The following ZSWIM5 variants were observed in gnomAD, a reference collection of about 807,000 sequenced individuals.
The protein encoded by ZSWIM5 is zinc finger SWIM domain-containing protein 5.
A neutral mutation model predicts 119.6 loss-of-function variants in ZSWIM5; 55 were observed. The observed-to-expected ratio is 0.46, with a 90% CI of 0.37 to 0.58. The LOEUF (loss-of-function observed/expected upper bound fraction) is 0.58, where lower values mean the gene tolerates loss of function less well. ZSWIM5 is among the 20% of genes least tolerant of loss of function. The pLI is 0.00. For synonymous variants in ZSWIM5, 537 were observed against 606.9 expected, an observed-to-expected ratio of 0.88 and a Z score of 1.69; for missense variants, 1,193 against 1,512.8, an observed-to-expected ratio of 0.79 and a Z score of 3.51.
chr1:45,088,920 G>A lies in ZSWIM5; in HGVS notation c.596-683C>T, dbSNP rs1286195564. Reference sequence around the variant, plus strand: ...CATTTTTAACGTAACAAAATTAAAAGATAAAATCAATAGCAAATCAATTCT... The same window carrying A: ...CATTTTTAACGTAACAAAATTAAAAAATAAAATCAATAGCAAATCAATTCT... On this transcript the variant is annotated intron_variant, in intron 1 of 13. Coordinates refer to ENST00000359600, the MANE Select transcript of ZSWIM5 (RefSeq NM_020883.2). The surrounding 1 kb of genome is among the most constrained non-coding windows in gnomAD (Gnocchi z 4.2). Among the ~76,000 whole-genome samples, 1 of 152,032 alleles carries A rather than the reference G, an allele frequency of 6.6e-6. No individual in the cohort carries two copies. The highest frequency in any genetic ancestry group is 1.5e-5 in the Non-Finnish European group (1 of 67,986).
At chr1:45,142,163 A>G (rs2149034613) in intron 1 of ZSWIM5, among the ~76,000 whole-genome samples, 1 of 151,780 alleles carries the variant, frequency 6.6e-6, no homozygotes, top group South Asian at 2.1e-4. Context: ...GTGAGCCGAG[A>G]TCACACCACT....
chr1:45,162,346 G>A (rs1645868636), intron 1 of ZSWIM5, among the ~76,000 whole-genome samples: 1 of 152,166 alleles, frequency 6.6e-6, no homozygotes, highest in Admixed American at 6.6e-5. Flanking sequence ...ACAAAAATTG[G>A]GAGAGGAGGT....
At chr1:45,058,896 T>A in intron 3 of ZSWIM5, 137 bp from the exon 4 acceptor site, 1 of 946,430 alleles carries the variant, frequency 1.1e-6, no homozygotes. Flanking sequence ...GAAGGCCTCT[T>A]GTTCTGTAAG....
chr1:45,181,688 C>T (rs1347178597), intron 1 of ZSWIM5, among the ~76,000 whole-genome samples: 1 of 152,198 alleles, frequency 6.6e-6, no homozygotes, highest in South Asian at 2.1e-4. Flanking sequence ...AGAGAAAGGT[C>T]AGGTTACCCA....
At chr1:45,111,360 A>G (rs1645516584) in intron 1 of ZSWIM5, among the ~76,000 whole-genome samples, 1 of 152,254 alleles carries the variant, frequency 6.6e-6, no homozygotes, top group African/African-American at 2.4e-5. Context: ...ACTGTTATAC[A>G]TAGAAACAAA....
chr1:45,173,398 T>A (rs1645957688), intron 1 of ZSWIM5, among the ~76,000 whole-genome samples: 1 of 152,156 alleles, frequency 6.6e-6, no homozygotes, highest in South Asian at 2.1e-4. Flanking sequence ...AATATTAGTG[T>A]CACACACCAA....
intron 1 of ZSWIM5, among the ~76,000 whole-genome samples, chr1:45,137,663 G>A (rs1645697800): frequency 6.6e-6 from 1 of 152,146 alleles, no homozygotes. Flanking sequence ...CCAAAGACAG[G>A]AACATGCCTG....
At chr1:45,052,657 C>T (rs956526760) in intron 4 of ZSWIM5, among the ~76,000 whole-genome samples, 1 of 151,672 alleles carries the variant, frequency 6.6e-6, no homozygotes, top group Non-Finnish European at 1.5e-5. Context: ...CAGCTGGTCC[C>T]AGCTACTCAG....
intron 1 of ZSWIM5, among the ~76,000 whole-genome samples, chr1:45,164,860 T>C (rs1289754991): frequency 6.6e-6 from 1 of 151,978 alleles, no homozygotes; most frequent in Non-Finnish European, 1.5e-5. Context: ...TCCCACACAA[T>C]AATAAGGGAG....
chr1:45,143,871 TA>T (rs893850627), intron 1 of ZSWIM5, among the ~76,000 whole-genome samples: 1 of 143,926 alleles, frequency 6.9e-6, no homozygotes, highest in African/African-American at 2.5e-5. Context: ...AATACAAACA[TA>T]AATTAAAAAA....
chr1:45,074,614 T>C (rs1384460137), intron 2 of ZSWIM5, among the ~76,000 whole-genome samples: 1 of 151,906 alleles, frequency 6.6e-6, no homozygotes, highest in African/African-American at 2.4e-5. Context: ...TCATCTCTCT[T>C]TTTTTCTTAG....
At chr1:45,048,972 C>T (rs1645073133) in intron 5 of ZSWIM5, among the ~76,000 whole-genome samples, 1 of 152,022 alleles carries the variant, frequency 6.6e-6, no homozygotes, top group African/African-American at 2.4e-5. Context: ...AATACACTCA[C>T]AAAAAATATT....
At chr1:45,032,233 G>A (rs1483113794) in intron 11 of ZSWIM5, among the ~76,000 whole-genome samples, 1 of 152,014 alleles carries the variant, frequency 6.6e-6, no homozygotes, top group Non-Finnish European at 1.5e-5. Context: ...GGCTTGAGCA[G>A]TCCTTCTGCC....
intron 1 of ZSWIM5, among the ~76,000 whole-genome samples, chr1:45,144,904 T>C (rs1645751486): frequency 6.6e-6 from 1 of 152,148 alleles, no homozygotes; most frequent in Non-Finnish European, 1.5e-5. Flanking sequence ...GAGAAAATAT[T>C]TGCAAGACAC....
intron 1 of ZSWIM5, among the ~76,000 whole-genome samples, chr1:45,141,478 T>C (rs2149034378): frequency 6.6e-6 from 1 of 152,188 alleles, no homozygotes; most frequent in South Asian, 2.1e-4. Context: ...ATCTGTCCAA[T>C]TCAGCATATA....
chr1:45,184,557 G>A (rs1646044984), intron 1 of ZSWIM5, among the ~76,000 whole-genome samples: 1 of 152,124 alleles, frequency 6.6e-6, no homozygotes, highest in African/African-American at 2.4e-5. Context: ...AAAGTCTCAG[G>A]ATACAAAATC....
At chr1:45,118,602 T>C (rs1157610618) in intron 1 of ZSWIM5, among the ~76,000 whole-genome samples, 1 of 151,868 alleles carries the variant, frequency 6.6e-6, no homozygotes, top group African/African-American at 2.4e-5. Flanking sequence ...ATTAGCCAAG[T>C]GTGCTGGTGC....
chr1:45,184,510 A>G (rs1003617649), intron 1 of ZSWIM5, among the ~76,000 whole-genome samples: 3 of 152,216 alleles, frequency 2.0e-5, no homozygotes, highest in Non-Finnish European at 2.9e-5. Flanking sequence ...CCATTGTCTC[A>G]GCCCAAAATC....
chr1:45,162,626 C>T (rs1174150004), intron 1 of ZSWIM5, among the ~76,000 whole-genome samples: 1 of 152,258 alleles, frequency 6.6e-6, no homozygotes, highest in Non-Finnish European at 1.5e-5. Context: ...CACCCTAATA[C>T]TGTGCTTTTC....
Sources: gnomAD v4.1 joint callset for allele counts (sites outside exome capture counted in the v4.1 genomes callset) on GRCh38, gnomAD v4.1.1 for gene constraint, Gnocchi (gnomAD v3.1) non-coding constraint, MANE v1.5 for transcripts, NCBI Gene and HGNC (gene_info 2026-07-23, HGNC 2026-07-21) for gene names.